SKAP2: variants seen among roughly 807,000 people sequenced by gnomAD.
The protein encoded by SKAP2 is src kinase-associated phosphoprotein 2.
In SKAP2, 28 loss-of-function variants were observed where a neutral mutation model predicts 54.9. The ratio of observed to expected loss-of-function variants is 0.51; its 90% CI spans 0.38 to 0.70. The LOEUF (loss-of-function observed/expected upper bound fraction) is 0.70. Ranked by LOEUF, SKAP2 falls within the 30% of genes least tolerant of loss-of-function variation. The probability of loss-of-function intolerance (pLI) is 0.00; values close to 1 mark genes in which losing one functional copy is unlikely to be tolerated. For missense variants in SKAP2, 356 were observed against 424.1 expected (o/e 0.84, Z 1.41); for synonymous variants, 137 against 134.3 (o/e 1.02, Z -0.14).
At chr7:26,685,521 A>T (rs1295665391) in intron 10 of SKAP2, among the ~76,000 whole-genome samples, 1 of 152,138 alleles carries the variant, frequency 6.6e-6, no homozygotes, top group African/African-American at 2.4e-5. Context: ...TTTTCAACCG[A>T]TTTTTGTCAG....
chr7:26,717,866 TA>T (rs201416519), intron 9 of SKAP2, among the ~76,000 whole-genome samples: 1,791 of 151,570 alleles, frequency 0.012, 34 homozygotes, highest in African/African-American at 0.04. Flanking sequence ...ATTAAATTTT[TA>T]AAAAATTAAA....
At chr7:26,804,139 G>A (rs976731251) in intron 4 of SKAP2, among the ~76,000 whole-genome samples, 51 of 152,142 alleles carry the variant, frequency 3.4e-4, no homozygotes, top group African/African-American at 1.2e-3. Flanking sequence ...GGAACTCAAA[G>A]GATAAATGCT....
intron 4 of SKAP2, among the ~76,000 whole-genome samples, chr7:26,840,089 C>T (rs1784790257): frequency 6.6e-6 from 1 of 152,004 alleles, no homozygotes; most frequent in African/African-American, 2.4e-5. Flanking sequence ...AATTTCTTCA[C>T]ACAAACCTGT....
intron 9 of SKAP2, among the ~76,000 whole-genome samples, chr7:26,719,436 C>G (rs1265730792): frequency 6.6e-6 from 1 of 152,168 alleles, no homozygotes; most frequent in Non-Finnish European, 1.5e-5. Context: ...CCTAAAGCCA[C>G]TCGTCAAATT....
chr7:26,678,579 T>C (rs1012000465), intron 11 of SKAP2, among the ~76,000 whole-genome samples: 2 of 151,894 alleles, frequency 1.3e-5, no homozygotes, highest in Admixed American at 6.6e-5. Context: ...TAGCTGGGAC[T>C]ACAGGTGCGC....
chr7:26,705,387 T>C (rs913658862), intron 9 of SKAP2, among the ~76,000 whole-genome samples: 2 of 152,218 alleles, frequency 1.3e-5, no homozygotes, highest in Non-Finnish European at 2.9e-5. Context: ...GATCATTCAA[T>C]GTTTATTGTC....
At chr7:26,734,111 T>A (rs1175050972) in intron 6 of SKAP2, among the ~76,000 whole-genome samples, 1 of 152,160 alleles carries the variant, frequency 6.6e-6, no homozygotes, top group African/African-American at 2.4e-5. Flanking sequence ...AGAAAAAGCA[T>A]AACTTTGGAG....
At chr7:26,848,200 T>C (rs1784965925) in intron 3 of SKAP2, 1 of 152,236 alleles carries the variant, frequency 6.6e-6, no homozygotes, top group Non-Finnish European at 1.5e-5. Flanking sequence ...TGAACAGTCA[T>C]AATCTCTACA....
At chr7:26,787,193 T>C (rs1181121481) in intron 4 of SKAP2, among the ~76,000 whole-genome samples, 1 of 152,214 alleles carries the variant, frequency 6.6e-6, no homozygotes, top group Non-Finnish European at 1.5e-5. Context: ...AGGCTGTTTT[T>C]GCACTGCTAT....
rs938988973 is a variant in SKAP2, at chr7:26,854,865, T to A, written c.93A>T (p.Ile31=). 1 of 1,595,884 alleles carries A rather than the reference T, an allele frequency of 6.3e-7. No homozygotes were observed. The highest frequency in any genetic ancestry group is 1.3e-5 in the African/African-American group (1 of 74,642). The change falls in exon 2 of 13, where the codon ATA becomes ATT. Residue 31 remains isoleucine (I), a synonymous_variant. Coordinates refer to ENST00000345317, the MANE Select transcript of SKAP2 (RefSeq NM_003930.5). ...LADVETFVAD[I]LKGENLSKKA... is the part of the protein sequence containing the mutation. ...TCTTGGATAAATTTTCTCCTTTCAG[T>A]ATATCTGCTACAAATGTTTCAACAT...
chr7:26,825,344 G>A (rs1443367927), intron 4 of SKAP2, among the ~76,000 whole-genome samples: 1 of 151,428 alleles, frequency 6.6e-6, no homozygotes, highest in Admixed American at 6.6e-5. Context: ...TGCCTCAATT[G>A]TTTTTTACTA....
intron 9 of SKAP2, among the ~76,000 whole-genome samples, chr7:26,707,629 A>G (rs903871850): frequency 7.9e-5 from 12 of 152,144 alleles, no homozygotes; most frequent in Non-Finnish European, 1.8e-4. Flanking sequence ...AAAGCAACAT[A>G]CTGATCATTT....
chr7:26,828,984 G>A (rs1299688054), intron 4 of SKAP2, among the ~76,000 whole-genome samples: 11 of 151,942 alleles, frequency 7.2e-5, no homozygotes, highest in South Asian at 4.1e-4. Context: ...AGCTAAGATC[G>A]CGCCATTGCA....
At chr7:26,727,163 T>A (rs1584354448) in intron 6 of SKAP2, among the ~76,000 whole-genome samples, 157 bp from the exon 7 acceptor site, 1 of 152,184 alleles carries the variant, frequency 6.6e-6, no homozygotes, top group Admixed American at 6.6e-5. Flanking sequence ...AAATCATTTT[T>A]AATTCTGAAA....
rs193013448 is a variant in SKAP2, at chr7:26,759,587, C to G, written c.308-19623G>C. On this transcript the variant is annotated intron_variant, in intron 4 of 12. Transcript: ENST00000345317. ...TGCTGACAGGATAAGCTCTACAAACCCTGGCCTTTTAAAAGGGAAGCTTAA... is the reference window on the plus strand; with the variant it reads ...TGCTGACAGGATAAGCTCTACAAACGCTGGCCTTTTAAAAGGGAAGCTTAA... 9.2e-5 allele frequency among the ~76,000 whole-genome samples: 14 copies of G among 152,168 alleles called. No homozygotes were observed. In the East Asian group the frequency reaches 1.4e-3, roughly 15 times the overall value.
At chr7:26,733,234 T>G (rs1787858212) in intron 6 of SKAP2, among the ~76,000 whole-genome samples, 1 of 152,108 alleles carries the variant, frequency 6.6e-6, no homozygotes, top group Admixed American at 6.6e-5. Context: ...AAAGTAGAAT[T>G]AATGGTTCCT....
chr7:26,830,773 G>T (rs898347036), intron 4 of SKAP2, among the ~76,000 whole-genome samples: 4 of 152,080 alleles, frequency 2.6e-5, no homozygotes, highest in Non-Finnish European at 5.9e-5. Flanking sequence ...TTTTGAAAAA[G>T]AAATACTTTG....
chr7:26,722,246 G>C (rs949470322), intron 9 of SKAP2, among the ~76,000 whole-genome samples: 3 of 152,040 alleles, frequency 2.0e-5, no homozygotes, highest in African/African-American at 7.2e-5. Flanking sequence ...TACGAAGTTA[G>C]TTAAAAATAA....
chr7:26,759,177 G>T (rs879541771), intron 4 of SKAP2, among the ~76,000 whole-genome samples: 1 of 152,154 alleles, frequency 6.6e-6, no homozygotes, highest in Non-Finnish European at 1.5e-5. Flanking sequence ...CTAAAATCCT[G>T]AAGTTTTAAT....
Sources: allele counts gnomAD v4.1 joint callset (sites outside exome capture counted in the v4.1 genomes callset), GRCh38; gene constraint gnomAD v4.1.1; transcripts MANE v1.5; gene names NCBI Gene and HGNC (gene_info 2026-07-23, HGNC 2026-07-21).